Variants in P3H3 observed in about 807,000 individuals in gnomAD.
P3H3 encodes gene rich cluster, B.
A neutral mutation model predicts 78.1 loss-of-function variants in P3H3; 64 were observed. The ratio of observed to expected loss-of-function variants is 0.82; its 90% CI spans 0.67 to 1.01. The LOEUF is 1.01. Among genes scored for constraint, P3H3 ranks in the 50% least tolerant of loss-of-function variants. P3H3 has a pLI of 0.00. For missense variants in P3H3, 975 were observed against 982.2 expected (o/e 0.99, Z 0.10); for synonymous variants, 425 against 416.7 (o/e 1.02, Z -0.24).
At position 6,829,712 on chromosome 12, in the gene P3H3, C is replaced by A. The variant is rs973052632; in HGVS notation, c.499-147C>A. On this transcript the variant is annotated intron_variant, in intron 1 of 14. Coordinates refer to ENST00000290510, the MANE Select transcript of P3H3 (RefSeq NM_014262.5). The surrounding 1 kb of genome is among the most constrained non-coding windows in gnomAD (Gnocchi z 5.1). The stretch of plus-strand genomic sequence containing the variant: ...GCCTCTAGGGGATCTGCAGTTCGGG[C>A]GGTGGGCGGTTCTGATTGGCCAGTC... 6 of 767,870 alleles carry A rather than the reference C, an allele frequency of 7.8e-6. No homozygotes were observed. Among genetic ancestry groups the A allele is most frequent in the Non-Finnish European group, 1.3e-5 (6 of 460,926 alleles). 47.6% of individuals were successfully genotyped at this position (767,870 alleles called of 1,614,324 possible).
rs2137960682 is a variant in P3H3 at position 6,831,841 on chromosome 12, T to A, written c.1139T>A (p.Ile380Asn). The part of the protein sequence containing the change: ...LGPREDIQRF[I>N]LRSLGEKRQL... ...CACCCTCAGGACATCCAGCGCTTCA[T>A]CCTCCGATCCCTGGGGGAGAAGAGG... Residue 380 changes from isoleucine to asparagine, a missense_variant, in exon 6 of 15, where the codon ATC (isoleucine) becomes AAC (asparagine). Coordinates refer to ENST00000290510, the MANE Select transcript of P3H3 (RefSeq NM_014262.5). This position sits in a 1 kb window ranked among gnomAD's most constrained non-coding sequence, Gnocchi z 4.6. 7 of 1,606,302 alleles carry A rather than the reference T, an allele frequency of 4.4e-6. No homozygotes were observed. In the East Asian group the frequency reaches 1.1e-4, roughly 26 times the overall value.
In P3H3 at chr12:6,831,743, G is replaced by A; in HGVS notation, c.1123-82G>A. ...GCATGGTGCCAGGTTCAAGGAGCAT[G>A]GAGCACCCAGGCAGTGCCCTAGAGC... On this transcript the variant is annotated intron_variant, in intron 5 of 14. Coordinates refer to ENST00000290510, the MANE Select transcript of P3H3 (RefSeq NM_014262.5). This position sits in a 1 kb window ranked among gnomAD's most constrained non-coding sequence, Gnocchi z 4.6. The A allele has an allele frequency of 1.2e-6, 1 of 854,132 alleles. No homozygotes were observed. The highest frequency in any genetic ancestry group is 2.0e-5 in the Admixed American group (1 of 49,416). 52.9% of individuals were successfully genotyped at this position (854,132 alleles called of 1,614,324 possible).
At position 6,831,076 on chromosome 12, in the gene P3H3, G is replaced by A; in HGVS notation, c.986-140G>A. On this transcript the variant is annotated intron_variant, in intron 4 of 14. Coordinates refer to ENST00000290510, the MANE Select transcript of P3H3 (RefSeq NM_014262.5). This position sits in a 1 kb window ranked among gnomAD's most constrained non-coding sequence, Gnocchi z 4.6. ...TTTGAAAGAACCGGCAGCTGAACTTGTCTGCCAGTGGGAAGGGGGCTCTTG... is the reference window on the plus strand; with the variant it reads ...TTTGAAAGAACCGGCAGCTGAACTTATCTGCCAGTGGGAAGGGGGCTCTTG... 9.1e-7 allele frequency: 1 copy of A among 1,099,330 alleles called. No individual in the cohort carries two copies. Among genetic ancestry groups the A allele is most frequent in the Non-Finnish European group, 1.4e-6 (1 of 714,942 alleles). 68.1% of individuals were successfully genotyped at this position (1,099,330 alleles called of 1,614,324 possible). A position where few individuals can be genotyped will look rare whatever the true frequency, so the allele number is the denominator to read the frequency against.
In P3H3 at chr12:6,831,843, C is replaced by G. The variant is rs1437342944; in HGVS notation, c.1141C>G (p.Leu381Val). ...CCCTCAGGACATCCAGCGCTTCATC[C>G]TCCGATCCCTGGGGGAGAAGAGGCA... ...GPREDIQRFILRSLGEKRQLY... is the reference protein window; with the variant it reads ...GPREDIQRFIVRSLGEKRQLY... Residue 381 changes from leucine (L) to valine (V), a missense_variant, in exon 6 of 15, where the codon CTC becomes GTC. Physicochemically the swap from Leu to Val is conservative, Grantham distance 32. Transcript: ENST00000290510. The surrounding 1 kb of genome is among the most constrained non-coding windows in gnomAD (Gnocchi z 4.6). 6.2e-7 allele frequency: 1 copy of G among 1,607,116 alleles called. No individual in the cohort carries two copies. The highest frequency in any genetic ancestry group is 8.5e-7 in the Non-Finnish European group (1 of 1,175,630).
rs781830888 is a variant in P3H3 at position 6,831,389 on chromosome 12, C to T, written c.1122+37C>T. The T allele has an allele frequency of 1.2e-6, 2 of 1,611,320 alleles. No individual in the cohort carries two copies. The highest frequency in any genetic ancestry group is 2.2e-5 in the South Asian group (2 of 90,990). On this transcript the variant is annotated intron_variant, in intron 5 of 14. Coordinates refer to ENST00000290510, the MANE Select transcript of P3H3 (RefSeq NM_014262.5). The surrounding 1 kb of genome is among the most constrained non-coding windows in gnomAD (Gnocchi z 4.6). ...TCCACGCTCACCTGGGAGGTAGCCC[C>T]AAATCAAACAAATAGACCTGAGAAG...
chr12:6,834,642 A>T (rs1943478409), intron 9 of P3H3, among the ~76,000 whole-genome samples: 1 of 152,214 alleles, frequency 6.6e-6, no homozygotes, highest in South Asian at 2.1e-4. Flanking sequence ...TGGTAAAAGA[A>T]GTATGTTTTT....
chr12:6,838,561 C>T (rs186209855), intron 13 of P3H3, among the ~76,000 whole-genome samples: 4 of 152,186 alleles, frequency 2.6e-5, no homozygotes, highest in African/African-American at 7.2e-5. Flanking sequence ...GGGAAATTTC[C>T]GGACACCAGG....
chr12:6,834,678 G>A (rs1943478564), intron 9 of P3H3: 1 of 152,850 alleles, frequency 6.5e-6, no homozygotes, highest in Admixed American at 6.5e-5. Flanking sequence ...GCTCATGCCT[G>A]TAATCCCAGC....
chr12:6,835,285 A>G (rs1943485511), intron 9 of P3H3, among the ~76,000 whole-genome samples: 2 of 152,186 alleles, frequency 1.3e-5, no homozygotes, highest in Non-Finnish European at 2.9e-5. Context: ...AGCTCTTAGA[A>G]CACAGAATCA....
rs1555121357 is a variant in P3H3, at chr12:6,831,143, T to TCCA, written c.986-73_986-72insCCA. 12 of 1,593,810 alleles carry TCCA rather than the reference T, an allele frequency of 7.5e-6. No homozygotes were observed. The highest frequency in any genetic ancestry group is 2.2e-5 in the East Asian group (1 of 44,756). ...CTCTGGAGACCACCTTCTCCAGCAC[T>TCCA]GCCTCTGCCCCAAGGATCAATGTGC... On this transcript the variant is annotated intron_variant, in intron 4 of 14. Transcript: ENST00000290510. The surrounding 1 kb of genome is among the most constrained non-coding windows in gnomAD (Gnocchi z 4.6).
chr12:6,837,088 T>C lies in P3H3; in HGVS notation c.1560+2T>C. Reference sequence around the variant, plus strand: ...CTCACGGTGCTTAAGGCTGCGCAGGTGAGCACAGGAGGCACCCGGGCCCGT... The same window carrying C: ...CTCACGGTGCTTAAGGCTGCGCAGGCGAGCACAGGAGGCACCCGGGCCCGT... On this transcript the variant is annotated splice_donor_variant, in intron 10 of 14. Transcript: ENST00000290510. LOFTEE classifies it high-confidence loss of function. The C allele has an allele frequency of 6.2e-7, 1 of 1,600,778 alleles. No homozygotes were observed. Among genetic ancestry groups the C allele is most frequent in the South Asian group, 1.1e-5 (1 of 91,034 alleles).
intron 11 of P3H3, 48 bp downstream of exon 11, chr12:6,837,621 C>T (rs782601565): frequency 2.5e-6 from 4 of 1,595,746 alleles, no homozygotes; most frequent in South Asian, 2.3e-5. Flanking sequence ...AGGCCCTGCC[C>T]CCAGGACACT....
chr12:6,828,705 C>A lies in P3H3; in HGVS notation c.265C>A (p.Leu89Ile). ...ASCAADPGAALPAVLLGAPEP... is the reference protein window; with the variant it reads ...ASCAADPGAAIPAVLLGAPEP... ...CTGCGCGGCCGATCCGGGCGCCGCGCTCCCCGCCGTGCTTCTCGGGGCCCC... is the reference window on the plus strand; with the variant it reads ...CTGCGCGGCCGATCCGGGCGCCGCGATCCCCGCCGTGCTTCTCGGGGCCCC... The change falls in exon 1 of 15, where the codon CTC becomes ATC. Residue 89 changes from leucine to isoleucine, a missense_variant. Leu to Ile is a conservative substitution (Grantham distance 5). Transcript: ENST00000290510. 1 of 1,246,850 alleles carries A rather than the reference C, an allele frequency of 8.0e-7. No homozygotes were observed. The allele number at this position is 1,246,850 out of a possible 1,614,324, so 77.2% of individuals were successfully genotyped here.
intron 9 of P3H3, among the ~76,000 whole-genome samples, 151 bp downstream of exon 9, chr12:6,834,200 C>T (rs1228979527): frequency 2.0e-5 from 3 of 152,146 alleles, no homozygotes; most frequent in South Asian, 4.1e-4. Context: ...GGATAAGTTC[C>T]GTCTCGTCTT....
chr12:6,832,426 G>C (rs1943458609), intron 6 of P3H3, among the ~76,000 whole-genome samples: 1 of 152,066 alleles, frequency 6.6e-6, no homozygotes, highest in African/African-American at 2.4e-5. Context: ...CCTATGCCTT[G>C]GAGGGTGTTC....
Position 6,831,338 on chromosome 12 carries a change from C to T in P3H3, c.1108C>T (p.Leu370Phe). Reference sequence around the variant, plus strand: ...CCAGCTGGGAGAGCCGAGACCTGGCCTCGGACCCAGAGAGGTAATCCCCTC... The same window carrying T: ...CCAGCTGGGAGAGCCGAGACCTGGCTTCGGACCCAGAGAGGTAATCCCCTC... Reference protein sequence around the residue: ...QAQLGEPRPGLGPREDIQRFI... With the variant: ...QAQLGEPRPGFGPREDIQRFI... The change falls in exon 5 of 15, where the codon CTC (leucine) becomes TTC (phenylalanine). Residue 370 changes from leucine (L) to phenylalanine (F), a missense_variant. Coordinates refer to ENST00000290510, the MANE Select transcript of P3H3 (RefSeq NM_014262.5). This position sits in a 1 kb window ranked among gnomAD's most constrained non-coding sequence, Gnocchi z 4.6. 6.2e-7 allele frequency: 1 copy of T among 1,613,842 alleles called. No individual in the cohort carries two copies.
chr12:6,836,394 C>T (rs1475832563), intron 9 of P3H3, among the ~76,000 whole-genome samples: 1 of 152,054 alleles, frequency 6.6e-6, no homozygotes, highest in Non-Finnish European at 1.5e-5. Flanking sequence ...GTGTAGACAT[C>T]CAGATATTAG....
chr12:6,837,907 G>A, intron 12 of P3H3, 51 bp from the exon 13 acceptor site: 1 of 1,590,808 alleles, frequency 6.3e-7, no homozygotes, highest in Non-Finnish European at 8.6e-7. Flanking sequence ...CCCACTGCCG[G>A]CCTGGGCCTG....
rs948602765 is a variant in P3H3, at chr12:6,828,879, C to A, written c.439C>A (p.Leu147Ile). The A allele has an allele frequency of 8.0e-7, 1 of 1,247,528 alleles. No individual in the cohort carries two copies. The allele number at this position is 1,247,528 out of a possible 1,614,324, so 77.3% of individuals were successfully genotyped here. A position where few individuals can be genotyped will look rare whatever the true frequency, so the allele number is the denominator to read the frequency against. The part of the protein sequence containing the change: ...GAARLRVGSA[L>I]RDAFRRREPY... ...GGCGCGGCTTCGCGTGGGGAGCGCG[C>A]TCCGGGACGCCTTCCGCCGTCGGGA... Residue 147 changes from leucine to isoleucine, a missense_variant, in exon 1 of 15, where the codon CTC becomes ATC. Leu to Ile is a conservative substitution (Grantham distance 5). Coordinates refer to ENST00000290510, the MANE Select transcript of P3H3 (RefSeq NM_014262.5).
Sources: allele counts gnomAD v4.1 joint callset (sites outside exome capture counted in the v4.1 genomes callset), GRCh38; gene constraint gnomAD v4.1.1; non-coding constraint Gnocchi (gnomAD v3.1); transcripts MANE v1.5; gene names NCBI Gene and HGNC (gene_info 2026-07-23, HGNC 2026-07-21).